The following SASH1 variants were observed in gnomAD, a reference collection of about 807,000 sequenced individuals.
SASH1 encodes the protein SAM and SH3 domain containing 1, also known as SAM and SH3 domain-containing protein 1.
In SASH1, 44 loss-of-function variants were observed where a neutral mutation model predicts 125.2. The ratio of observed to expected loss-of-function variants is 0.35; its 90% CI spans 0.28 to 0.45. SASH1 has a LOEUF of 0.45. Ranked by LOEUF, SASH1 falls within the 20% of genes least tolerant of loss-of-function variation. SASH1 has a pLI of 1.00. For synonymous variants in SASH1, 639 were observed against 649.1 expected, an observed-to-expected ratio of 0.98 and a Z score of 0.24; for missense variants, 1,426 against 1,614.5, an observed-to-expected ratio of 0.88 and a Z score of 2.00.
At position 148,440,422 on chromosome 6, in the gene SASH1, C is replaced by T; in HGVS notation, c.386+15C>T. ...GTGGAAAGAAAGTAAGTCTTTCTCCCTCTGCCCAGGACCACCTTCCAAGAA... is the reference window on the plus strand; with the variant it reads ...GTGGAAAGAAAGTAAGTCTTTCTCCTTCTGCCCAGGACCACCTTCCAAGAA... On this transcript the variant is annotated intron_variant, in intron 4 of 19. Coordinates refer to ENST00000367467, the MANE Select transcript of SASH1 (RefSeq NM_015278.5). The T allele has an allele frequency of 6.2e-7, 1 of 1,612,756 alleles. No homozygotes were observed. The highest frequency in any genetic ancestry group is 8.5e-7 in the Non-Finnish European group (1 of 1,179,170).
rs1419774037 is a variant in SASH1 at position 148,543,959 on chromosome 6, C to A, written c.2489C>A (p.Thr830Asn). The part of the protein sequence containing the change: ...RSCETLEGPQ[T>N]VDTWPRSHSL... Reference sequence around the variant, plus strand: ...TGTGAGACCCTGGAGGGCCCCCAGACTGTGGACACTTGGCCCCGATCCCAT... The same window carrying A: ...TGTGAGACCCTGGAGGGCCCCCAGAATGTGGACACTTGGCCCCGATCCCAT... The change falls in exon 18 of 20, where the codon ACT (threonine) becomes AAT (asparagine). Residue 830 changes from threonine (T) to asparagine (N), a missense_variant. Physicochemically the swap from Thr to Asn is moderately conservative, Grantham distance 65 (BLOSUM62 0). Coordinates refer to ENST00000367467, the MANE Select transcript of SASH1 (RefSeq NM_015278.5). The A allele has an allele frequency of 1.2e-6, 2 of 1,614,122 alleles. No homozygotes were observed. Among genetic ancestry groups the A allele is most frequent in the Non-Finnish European group, 1.7e-6 (2 of 1,180,028 alleles).
At chr6:148,210,620 GTT>G in the SASH1 span, among the ~76,000 whole-genome samples, 15 of 152,212 alleles carry the variant, frequency 9.9e-5, no homozygotes, top group African/African-American at 3.6e-4. Context: ...TTCCAAGAGA[GTT>G]GGGGAATAAT....
chr6:148,391,404 G>A (rs543257280), intron 2 of SASH1, among the ~76,000 whole-genome samples: 3 of 144,454 alleles, frequency 2.1e-5, no homozygotes, highest in South Asian at 2.2e-4. Context: ...CACCACGTCC[G>A]GCCTAAAGAC....
chr6:148,462,719 A>G (rs1157596358), intron 4 of SASH1, among the ~76,000 whole-genome samples: 1 of 152,180 alleles, frequency 6.6e-6, no homozygotes, highest in Non-Finnish European at 1.5e-5. Context: ...CCAGTATGTA[A>G]TGGTATCCCC....
chr6:148,325,211 A>C (rs2114583878), intron 1 of SASH1, among the ~76,000 whole-genome samples: 1 of 152,172 alleles, frequency 6.6e-6, no homozygotes, highest in East Asian at 1.9e-4. Flanking sequence ...GTCGTTGTTC[A>C]CATGATACCA....
At chr6:148,379,909 C>T (rs1176039069) in intron 1 of SASH1, 16 of 456,430 alleles carry the variant, frequency 3.5e-5, no homozygotes, top group African/African-American at 2.4e-4. Flanking sequence ...GCACTCACCA[C>T]CCCTCCCAGG....
At chr6:148,421,444 C>T (rs1325863078) in intron 2 of SASH1, among the ~76,000 whole-genome samples, 1 of 152,224 alleles carries the variant, frequency 6.6e-6, no homozygotes, top group Non-Finnish European at 1.5e-5. Context: ...GCTGGGACTA[C>T]AGGCCTGTGC....
intron 1 of SASH1, among the ~76,000 whole-genome samples, chr6:148,387,587 TC>T (rs1783457528): frequency 1.4e-4 from 1 of 7,352 alleles, no homozygotes; most frequent in East Asian, 1.8e-3. Context: ...TTTCTTTCTT[TC>T]TTTCTTTCTT....
In SASH1 at chr6:148,375,214, A is replaced by G. The variant is rs1782846437; in HGVS notation, c.157-14920A>G. Reference sequence around the variant, plus strand: ...ACCATGTTGCCCAGGCTGGTCTCGAACTCCTGAGCTCAAATGATCCACCCG... The same window carrying G: ...ACCATGTTGCCCAGGCTGGTCTCGAGCTCCTGAGCTCAAATGATCCACCCG... On this transcript the variant is annotated intron_variant, in intron 1 of 19. Transcript: ENST00000367467. Among the ~76,000 whole-genome samples the G allele has an allele frequency of 2.0e-5, 3 of 150,500 alleles. No individual in the cohort carries two copies. The South Asian group carries it at 6.3e-4, about 32-fold the overall frequency.
chr6:148,323,985 C>T (rs9403938), intron 1 of SASH1, among the ~76,000 whole-genome samples: 7 of 151,522 alleles, frequency 4.6e-5, no homozygotes, highest in African/African-American at 7.3e-5. Flanking sequence ...ATTAGCTGGG[C>T]GGAACACGCC....
chr6:148,324,068 C>T (rs1290984408), intron 1 of SASH1, among the ~76,000 whole-genome samples: 5 of 133,902 alleles, frequency 3.7e-5, no homozygotes, highest in African/African-American at 8.4e-5. Flanking sequence ...TGCAGGGAGC[C>T]GAGGTCATGC....
chr6:148,208,938 C>T, the SASH1 span, among the ~76,000 whole-genome samples: 7 of 152,142 alleles, frequency 4.6e-5, no homozygotes, highest in Middle Eastern at 3.4e-3. Context: ...TATAAAATAC[C>T]GTTTTATTTG....
At chr6:148,430,687 A>C (rs1245736291) in intron 2 of SASH1, among the ~76,000 whole-genome samples, 1 of 152,220 alleles carries the variant, frequency 6.6e-6, no homozygotes, top group Non-Finnish European at 1.5e-5. Flanking sequence ...TTTCTCAAAC[A>C]ATACACATCA....
At chr6:148,273,818 G>C (rs1368559807) in intron 1 of SASH1, among the ~76,000 whole-genome samples, 1 of 152,172 alleles carries the variant, frequency 6.6e-6, no homozygotes, top group African/African-American at 2.4e-5. Flanking sequence ...GCTCACTACT[G>C]TCTCTGAGGA....
At chr6:148,307,072 C>CTT (rs1165432873) in intron 1 of SASH1, among the ~76,000 whole-genome samples, 4 of 146,544 alleles carry the variant, frequency 2.7e-5, no homozygotes, top group African/African-American at 1.0e-4. Flanking sequence ...TTCTTTCTTT[C>CTT]TTTCTTTCTT....
At chr6:148,252,214 A>C in the SASH1 span, among the ~76,000 whole-genome samples, 10 of 152,160 alleles carry the variant, frequency 6.6e-5, no homozygotes, top group Non-Finnish European at 1.0e-4. Context: ...TTCTCAGTTC[A>C]AATTAAATTC....
intron 4 of SASH1, among the ~76,000 whole-genome samples, chr6:148,447,679 C>T (rs12215700): frequency 2.2e-5 from 3 of 134,444 alleles, no homozygotes; most frequent in South Asian, 2.5e-4. Context: ...GTTCTTCCTC[C>T]TCTTCTTCTT....
chr6:148,383,201 A>G (rs560783842), intron 1 of SASH1, among the ~76,000 whole-genome samples: 17 of 152,346 alleles, frequency 1.1e-4, no homozygotes, highest in South Asian at 4.1e-4. Context: ...AAAGGTTGCT[A>G]AAAGTGTTTA....
At chr6:148,347,479 C>A (rs560843505) in intron 1 of SASH1, among the ~76,000 whole-genome samples, 1 of 152,304 alleles carries the variant, frequency 6.6e-6, no homozygotes, top group African/African-American at 2.4e-5. Flanking sequence ...TTACTCCATT[C>A]CTAAAAAATT....
Sources: allele counts gnomAD v4.1 joint callset (sites outside exome capture counted in the v4.1 genomes callset), GRCh38; gene constraint gnomAD v4.1.1; transcripts MANE v1.5; gene names NCBI Gene and HGNC (gene_info 2026-07-23, HGNC 2026-07-21).